The following PTPRT variants were observed in gnomAD, a reference collection of about 807,000 sequenced individuals.
PTPRT encodes protein tyrosine phosphatase receptor type T.
In PTPRT, 56 loss-of-function variants were observed where a neutral mutation model predicts 176.8. The observed-to-expected ratio is 0.32, with a 90% CI of 0.26 to 0.40. The LOEUF is 0.40. Ranked by LOEUF, PTPRT falls within the 10% of genes least tolerant of loss-of-function variation. The pLI is 1.00. For synonymous variants in PTPRT, 783 were observed against 739.0 expected, an observed-to-expected ratio of 1.06 and a Z score of -0.96; for missense variants, 1,540 against 1,908.2, an observed-to-expected ratio of 0.81 and a Z score of 3.60.
At chr20:42,334,266 C>T (rs546869297) in intron 11 of PTPRT, among the ~76,000 whole-genome samples, 6 of 152,222 alleles carry the variant, frequency 3.9e-5, no homozygotes, top group African/African-American at 1.4e-4. Flanking sequence ...ATCCCTGACC[C>T]CCACTCACTA....
At chr20:42,450,915 G>T (rs942365902) in intron 8 of PTPRT, among the ~76,000 whole-genome samples, 6 of 152,076 alleles carry the variant, frequency 3.9e-5, no homozygotes, top group African/African-American at 1.2e-4. Context: ...AAAGGGATAT[G>T]GTACTAGGAG....
intron 1 of PTPRT, among the ~76,000 whole-genome samples, chr20:42,966,051 G>T (rs890285048): frequency 4.6e-5 from 7 of 152,178 alleles, no homozygotes; most frequent in Non-Finnish European, 1.0e-4. Flanking sequence ...GGTCATTCTA[G>T]TTCCACACGG....
At chr20:42,626,135 T>C (rs2074285340) in intron 7 of PTPRT, among the ~76,000 whole-genome samples, 1 of 152,000 alleles carries the variant, frequency 6.6e-6, no homozygotes, top group Admixed American at 6.5e-5. Flanking sequence ...TTTAAAAAAT[T>C]CACATAAAAG....
chr20:42,416,433 C>A (rs928202344), intron 9 of PTPRT, among the ~76,000 whole-genome samples: 1 of 152,068 alleles, frequency 6.6e-6, no homozygotes, highest in South Asian at 2.1e-4. Context: ...GTGTTACAGC[C>A]GCCACAGGAA....
intron 1 of PTPRT, among the ~76,000 whole-genome samples, chr20:43,188,180 C>G (rs2015443292): frequency 6.6e-6 from 1 of 152,144 alleles, no homozygotes; most frequent in African/African-American, 2.4e-5. Context: ...GTACCCCTCC[C>G]TCCCCTAGCA....
At chr20:42,195,711 A>T (rs1991187597) in intron 16 of PTPRT, among the ~76,000 whole-genome samples, 1 of 152,214 alleles carries the variant, frequency 6.6e-6, no homozygotes, top group Non-Finnish European at 1.5e-5. Context: ...TATTGTTATG[A>T]TGAATGCATA....
chr20:42,624,952 C>G (rs1023497991), intron 7 of PTPRT, among the ~76,000 whole-genome samples: 1 of 152,178 alleles, frequency 6.6e-6, no homozygotes, highest in African/African-American at 2.4e-5. Context: ...GTACCACAGT[C>G]AAGTTCCAAA....
intron 29 of PTPRT, among the ~76,000 whole-genome samples, chr20:42,082,345 A>G (rs1983414087): frequency 6.6e-6 from 1 of 152,164 alleles, no homozygotes; most frequent in Non-Finnish European, 1.5e-5. Context: ...CTCAGGGCAC[A>G]CTCACCCAAA....
At chr20:42,532,851 A>G (rs1406339341) in intron 7 of PTPRT, among the ~76,000 whole-genome samples, 1 of 152,092 alleles carries the variant, frequency 6.6e-6, no homozygotes, top group Non-Finnish European at 1.5e-5. Flanking sequence ...TTCTTCCCAA[A>G]GCAGACCTAC....
At chr20:42,947,344 G>A (rs1321203235) in intron 1 of PTPRT, among the ~76,000 whole-genome samples, 3 of 152,158 alleles carry the variant, frequency 2.0e-5, no homozygotes, top group Non-Finnish European at 2.9e-5. Context: ...TTTCAATGCT[G>A]CCCAACCTTC....
chr20:42,793,011 C>T lies in PTPRT; in HGVS notation c.215-1545G>A, dbSNP rs928891187. Among the ~76,000 whole-genome samples, 9 of 152,146 alleles carry T rather than the reference C, an allele frequency of 5.9e-5. No individual in the cohort carries two copies. The South Asian group carries it at 1.0e-3, about 18-fold the overall frequency. On this transcript the variant is annotated intron_variant, in intron 2 of 30. Transcript: ENST00000373187. ...CCCCTGAACCACCATGCAGAGCAGG[C>T]GGATGGCCATGGACCCACCCTCCAA...
At chr20:42,545,291 T>C (rs1331224351) in intron 7 of PTPRT, among the ~76,000 whole-genome samples, 1 of 152,150 alleles carries the variant, frequency 6.6e-6, no homozygotes, top group African/African-American at 2.4e-5. Flanking sequence ...AATTCTCAGT[T>C]ACCTGGCAAA....
At chr20:42,624,208 T>C (rs916611343) in intron 7 of PTPRT, among the ~76,000 whole-genome samples, 4 of 152,160 alleles carry the variant, frequency 2.6e-5, no homozygotes, top group Non-Finnish European at 4.4e-5. Context: ...GCATTATTTA[T>C]AATAATTGGC....
intron 15 of PTPRT, among the ~76,000 whole-genome samples, chr20:42,232,762 A>G (rs1036825358): frequency 4.8e-5 from 7 of 144,978 alleles, no homozygotes; most frequent in Non-Finnish European, 1.0e-4. Flanking sequence ...ATCTTTGCCC[A>G]GGACTTTCTG....
chr20:42,140,376 A>G (rs1488074911), intron 18 of PTPRT, among the ~76,000 whole-genome samples: 3 of 152,204 alleles, frequency 2.0e-5, no homozygotes, highest in Non-Finnish European at 4.4e-5. Flanking sequence ...ATTAGAATAC[A>G]TGCTTAGCAT....
intron 15 of PTPRT, among the ~76,000 whole-genome samples, chr20:42,202,440 A>G (rs891451968): frequency 6.6e-6 from 1 of 152,202 alleles, no homozygotes. Flanking sequence ...ACACTGTTCT[A>G]CCAGTAAAAT....
Position 42,467,974 on chromosome 20 carries a change from G to T in PTPRT, c.1450+4292C>A, listed in dbSNP as rs557643903. 1.2e-4 allele frequency among the ~76,000 whole-genome samples: 18 copies of T among 152,278 alleles called. No homozygotes were observed. In the East Asian group the frequency reaches 3.3e-3, roughly 28 times the overall value. ...GCTGCCAAGCAAAACCATCAACATGGTTTTCATCTTTCAAGGTGCAAGCGA... is the reference window on the plus strand; with the variant it reads ...GCTGCCAAGCAAAACCATCAACATGTTTTTCATCTTTCAAGGTGCAAGCGA... On this transcript the variant is annotated intron_variant, in intron 8 of 30. Transcript: ENST00000373187.
chr20:43,048,217 A>G (rs1986910188), intron 1 of PTPRT, among the ~76,000 whole-genome samples: 1 of 151,920 alleles, frequency 6.6e-6, no homozygotes, highest in Admixed American at 6.5e-5. Flanking sequence ...GAGAGATGAA[A>G]AAGAGAGGAA....
chr20:42,263,618 A>C (rs1421806209), intron 13 of PTPRT, among the ~76,000 whole-genome samples: 1 of 149,966 alleles, frequency 6.7e-6, no homozygotes, highest in Non-Finnish European at 1.5e-5. Flanking sequence ...TGACCTCATG[A>C]TCCGCCCACC....
Sources: gnomAD v4.1 joint callset for allele counts (sites outside exome capture counted in the v4.1 genomes callset) on GRCh38, gnomAD v4.1.1 for gene constraint, MANE v1.5 for transcripts, NCBI Gene and HGNC (gene_info 2026-07-23, HGNC 2026-07-21) for gene names.